Variants in SEMA6A observed in about 807,000 individuals in gnomAD.
SEMA6A encodes semaphorin 6A.
A neutral mutation model predicts 96.8 loss-of-function variants in SEMA6A; 25 were observed. That is an observed-to-expected ratio of 0.26 (90% confidence interval 0.19 to 0.36). The LOEUF is 0.36. SEMA6A is among the 10% of genes least tolerant of loss of function. SEMA6A has a pLI of 1.00. For missense variants in SEMA6A, 1,363 were observed against 1,323.1 expected (o/e 1.03, Z -0.47); for synonymous variants, 612 against 518.0 (o/e 1.18, Z -2.46).
At chr5:116,534,156 T>G (rs1759612577) in intron 1 of SEMA6A, among the ~76,000 whole-genome samples, 1 of 152,222 alleles carries the variant, frequency 6.6e-6, no homozygotes, top group African/African-American at 2.4e-5. Flanking sequence ...CCAAAACTAC[T>G]TTCAAAAAGG....
At chr5:116,484,231 T>A (rs1348245338) in intron 10 of SEMA6A, among the ~76,000 whole-genome samples, 1 of 152,158 alleles carries the variant, frequency 6.6e-6, no homozygotes, top group African/African-American at 2.4e-5. Flanking sequence ...ATAGGATAAA[T>A]ACTATTTGAA....
Position 116,447,305 on chromosome 5 carries a change from T to A in SEMA6A, c.2401A>T (p.Thr801Ser), listed in dbSNP as rs1215418752. Reference protein sequence around the residue: ...MPPMGSPVIPTDLPLRASPSH... With the variant: ...MPPMGSPVIPSDLPLRASPSH... ...GGGGAGGCCCGCAGGGGCAGGTCCG[T>A]GGGAATCACAGGGGAGCCCATGGGG... The change falls in exon 19 of 19, where the codon ACG becomes TCG. Residue 801 changes from threonine (T) to serine (S), a missense_variant. Physicochemically the swap from Thr to Ser is moderately conservative, Grantham distance 58. Around this residue, in one of 2 missense-constraint regions of SEMA6A, gnomAD observed 883 missense variants for 763.6 expected, o/e 1.16. Coordinates refer to ENST00000343348, the MANE Select transcript of SEMA6A (RefSeq NM_020796.5). The A allele has an allele frequency of 6.2e-7, 1 of 1,613,586 alleles. No homozygotes were observed. Among genetic ancestry groups the A allele is most frequent in the Non-Finnish European group, 8.5e-7 (1 of 1,179,880 alleles).
At chr5:116,573,189 G>T (rs1235404935) in intron 1 of SEMA6A, among the ~76,000 whole-genome samples, 1 of 152,210 alleles carries the variant, frequency 6.6e-6, no homozygotes, top group African/African-American at 2.4e-5. Context: ...TTACTCTCCA[G>T]CGCCCCATTG....
intron 1 of SEMA6A, among the ~76,000 whole-genome samples, chr5:116,510,792 G>A (rs1758368110): frequency 6.6e-6 from 1 of 151,974 alleles, no homozygotes; most frequent in African/African-American, 2.4e-5. Flanking sequence ...AGTTTGTCTT[G>A]GGAGTCACAC....
At chr5:116,530,407 AGCTGAAAAGATAAATGTCC>A (rs770455127) in intron 1 of SEMA6A, among the ~76,000 whole-genome samples, 36 of 152,168 alleles carry the variant, frequency 2.4e-4, no homozygotes, top group Non-Finnish European at 5.0e-4. Flanking sequence ...ATATTAATGC[AGCTGAAAAGATAAATGTCC>A]TTTCCCATGT....
intron 3 of SEMA6A, among the ~76,000 whole-genome samples, chr5:116,499,463 G>C (rs1757768411): frequency 6.6e-6 from 1 of 152,178 alleles, no homozygotes; most frequent in African/African-American, 2.4e-5. Context: ...TTTAAATCGT[G>C]TTACTTGCTG....
At chr5:116,462,129 G>T (rs537303301) in intron 18 of SEMA6A, among the ~76,000 whole-genome samples, 1 of 152,240 alleles carries the variant, frequency 6.6e-6, no homozygotes, top group African/African-American at 2.4e-5. Flanking sequence ...GGGAGAACCA[G>T]GGTGCTTTAA....
intron 1 of SEMA6A, among the ~76,000 whole-genome samples, chr5:116,526,711 A>G (rs1759245407): frequency 1.3e-5 from 2 of 152,210 alleles, no homozygotes; most frequent in Admixed American, 6.5e-5. Flanking sequence ...TATAGATTGC[A>G]CTAGGCTTTC....
chr5:116,469,454 T>A (rs1461222299), intron 17 of SEMA6A: 1 of 152,216 alleles, frequency 6.6e-6, no homozygotes, highest in East Asian at 1.9e-4. Flanking sequence ...ACTTTTTTTT[T>A]TCCACTCCTG....
At chr5:116,571,296 A>T (rs1249131159) in intron 1 of SEMA6A, among the ~76,000 whole-genome samples, 1 of 152,220 alleles carries the variant, frequency 6.6e-6, no homozygotes, top group East Asian at 1.9e-4. Context: ...ATGGCTCCTC[A>T]GAAATGATTT....
At chr5:116,519,011 A>C (rs915048734) in intron 1 of SEMA6A, among the ~76,000 whole-genome samples, 2 of 152,188 alleles carry the variant, frequency 1.3e-5, no homozygotes, top group African/African-American at 4.8e-5. Context: ...AAAAAAAAAA[A>C]AGTCATTCTA....
intron 15 of SEMA6A, among the ~76,000 whole-genome samples, chr5:116,476,179 C>T (rs569418652): frequency 2.6e-5 from 4 of 152,240 alleles, no homozygotes; most frequent in South Asian, 4.2e-4. Context: ...GAGTATTACT[C>T]TCATTCTCTT....
chr5:116,514,162 G>T (rs1419032663), intron 1 of SEMA6A, among the ~76,000 whole-genome samples: 1 of 152,172 alleles, frequency 6.6e-6, no homozygotes, highest in Non-Finnish European at 1.5e-5. Flanking sequence ...TAACGAGATT[G>T]CTGGGTCGAA....
At chr5:116,508,319 C>A (rs1758243845) in intron 1 of SEMA6A, 1 of 152,210 alleles carries the variant, frequency 6.6e-6, no homozygotes, top group Non-Finnish European at 1.5e-5. Flanking sequence ...CCTTGATGTA[C>A]AGCGGGTCAT....
chr5:116,513,788 G>A (rs1392573338), intron 1 of SEMA6A, among the ~76,000 whole-genome samples: 1 of 151,896 alleles, frequency 6.6e-6, no homozygotes, highest in Admixed American at 6.6e-5. Context: ...TCCATGCCCT[G>A]CCCTCTGACA....
chr5:116,546,058 G>T lies in SEMA6A; in HGVS notation c.-39+28127C>A, dbSNP rs140347565. Among the ~76,000 whole-genome samples, 832 of 152,336 alleles carry T rather than the reference G, an allele frequency of 5.5e-3. 12 individuals carry two copies. The highest frequency in any genetic ancestry group is 0.019 in the African/African-American group (780 of 41,566). ...TAAATCATTTCAATAATAAGTATGT[G>T]TTGGAAACCAAGGGCAGAATCTTTG... On this transcript the variant is annotated intron_variant, in intron 1 of 18. Coordinates refer to ENST00000343348, the MANE Select transcript of SEMA6A (RefSeq NM_020796.5).
At chr5:116,449,488 G>C (rs1754492003) in intron 18 of SEMA6A, 1 of 604,820 alleles carries the variant, frequency 1.7e-6, no homozygotes, top group Non-Finnish European at 3.0e-6. Context: ...CTACTGAAAT[G>C]TTGTCTTTGT....
intron 18 of SEMA6A, among the ~76,000 whole-genome samples, chr5:116,461,487 TTAAAAAAAA>T (rs1755393970): frequency 1.1e-5 from 1 of 92,806 alleles, no homozygotes; most frequent in Non-Finnish European, 2.8e-5. Flanking sequence ...AAGCTTAGGC[TTAAAAAAAA>T]TAAAAGCCTG....
At chr5:116,449,344 T>A in intron 18 of SEMA6A, 1 of 702,474 alleles carries the variant, frequency 1.4e-6, no homozygotes, top group Non-Finnish European at 2.6e-6. Flanking sequence ...GACGCATTTT[T>A]CATCTACTAA....
Sources: allele counts gnomAD v4.1 joint callset (sites outside exome capture counted in the v4.1 genomes callset), GRCh38; gene constraint gnomAD v4.1.1; regional missense constraint gnomAD v4.1.1; transcripts MANE v1.5; gene names NCBI Gene and HGNC (gene_info 2026-07-23, HGNC 2026-07-21).